Variants in RABGAP1 observed in about 807,000 individuals in gnomAD.
RABGAP1 encodes the protein RAB GTPase activating protein 1.
A neutral mutation model predicts 137.6 loss-of-function variants in RABGAP1; 23 were observed. The observed-to-expected ratio is 0.17, with a 90% CI of 0.12 to 0.24. The LOEUF (loss-of-function observed/expected upper bound fraction) is 0.24, where lower values mean the gene tolerates loss of function less well. Among genes scored for constraint, RABGAP1 ranks in the 10% least tolerant of loss-of-function variants. RABGAP1 has a pLI of 1.00. For synonymous variants in RABGAP1, 451 were observed against 450.7 expected (o/e 1.00, Z -0.01); for missense variants, 906 against 1,275.8 (o/e 0.71, Z 4.42).
intron 6 of RABGAP1, among the ~76,000 whole-genome samples, chr9:122,994,795 G>A (rs895194212): frequency 6.6e-6 from 1 of 152,170 alleles, no homozygotes; most frequent in African/African-American, 2.4e-5. Context: ...AAAGTGGTGT[G>A]TGGGAGAACA....
intron 13 of RABGAP1, among the ~76,000 whole-genome samples, chr9:123,064,038 G>A (rs2034080239): frequency 6.6e-6 from 1 of 151,916 alleles, no homozygotes; most frequent in Non-Finnish European, 1.5e-5. Flanking sequence ...TCTCTCACTC[G>A]CTCTCACTCT....
intron 14 of RABGAP1, among the ~76,000 whole-genome samples, chr9:123,067,250 A>G (rs368500083): frequency 7.9e-5 from 12 of 152,306 alleles, no homozygotes; most frequent in East Asian, 5.8e-4. Context: ...GTCTAGGTTG[A>G]GTTAGATATG....
At chr9:123,079,982 A>G (rs1372821852) in intron 19 of RABGAP1, among the ~76,000 whole-genome samples, 3 of 152,242 alleles carry the variant, frequency 2.0e-5, no homozygotes, top group Non-Finnish European at 2.9e-5. Flanking sequence ...TGAATAAGTG[A>G]ATGAATAAAT....
chr9:122,958,420 A>C (rs546886825), intron 2 of RABGAP1, among the ~76,000 whole-genome samples: 1 of 152,324 alleles, frequency 6.6e-6, no homozygotes, highest in East Asian at 1.9e-4. Context: ...GAAGAATAAC[A>C]AAACAGGATA....
chr9:122,982,702 G>C (rs1717981519), intron 2 of RABGAP1, among the ~76,000 whole-genome samples: 1 of 152,026 alleles, frequency 6.6e-6, no homozygotes, highest in African/African-American at 2.4e-5. Context: ...AAGATAAGAG[G>C]CTAATTGAAT....
chr9:122,984,756 A>AT (rs754829063), intron 3 of RABGAP1, 37 bp downstream of exon 3: 14 of 1,569,304 alleles, frequency 8.9e-6, no homozygotes, highest in Non-Finnish European at 1.1e-5. Context: ...ACTGAAGGTT[A>AT]TTGTTTTTAA....
intron 10 of RABGAP1, among the ~76,000 whole-genome samples, chr9:123,000,673 C>A (rs749725612): frequency 8.6e-5 from 13 of 152,012 alleles, no homozygotes; most frequent in Non-Finnish European, 1.3e-4. Context: ...ATAGCAATAG[C>A]CTTTTTTTTT....
At chr9:123,036,119 TAC>T (rs2032645162) in intron 13 of RABGAP1, among the ~76,000 whole-genome samples, 1 of 152,252 alleles carries the variant, frequency 6.6e-6, no homozygotes, top group Non-Finnish European at 1.5e-5. Flanking sequence ...AAAGCATAAC[TAC>T]ACTGCAAGTT....
chr9:122,939,282 G>C (rs1833448113), upstream of RABGAP1: 1 of 151,876 alleles, frequency 6.6e-6, no homozygotes, highest in Non-Finnish European at 1.5e-5. Context: ...CACACACACA[G>C]AAGGATATAC....
At chr9:123,009,760 G>A (rs542848100) in intron 10 of RABGAP1, among the ~76,000 whole-genome samples, 2 of 152,140 alleles carry the variant, frequency 1.3e-5, no homozygotes, top group South Asian at 4.2e-4. Flanking sequence ...TGTGGTTACT[G>A]TTGATGTGTT....
chr9:123,103,299 C>T lies in RABGAP1; in HGVS notation c.*86C>T. ...CCAGATGTGTGATTCTGTGACTTGT[C>T]CCAGGACCAGAATGTACCTAAGTCA... is the stretch of plus-strand genomic sequence containing the variant. On this transcript the variant is annotated 3_prime_UTR_variant, in exon 26 of 26. Coordinates refer to ENST00000373647, the MANE Select transcript of RABGAP1 (RefSeq NM_012197.4). The T allele has an allele frequency of 6.4e-7, 1 of 1,565,152 alleles. No individual in the cohort carries two copies. The highest frequency in any genetic ancestry group is 8.7e-7 in the Non-Finnish European group (1 of 1,153,590).
chr9:123,070,085 T>TA lies in RABGAP1; in HGVS notation c.1909-264dup, dbSNP rs746896062. On this transcript the variant is annotated intron_variant, in intron 14 of 25. Coordinates refer to ENST00000373647, the MANE Select transcript of RABGAP1 (RefSeq NM_012197.4). The surrounding 1 kb of genome is among the most constrained non-coding windows in gnomAD (Gnocchi z 4.4). ...AACATCATGAACAACAACAAGGAAA[T>TA]ACGAAGTTTTTTTTAGCGCAGAAGT... is the stretch of plus-strand genomic sequence containing the variant. 4.6e-5 allele frequency among the ~76,000 whole-genome samples: 7 copies of TA among 152,044 alleles called. No homozygotes were observed. Among genetic ancestry groups the TA allele is most frequent in the Non-Finnish European group, 8.8e-5 (6 of 67,984 alleles).
At chr9:122,946,130 C>T (rs981005581) in intron 1 of RABGAP1, 12 of 151,956 alleles carry the variant, frequency 7.9e-5, no homozygotes, top group African/African-American at 2.7e-4. Context: ...AAGGATAATA[C>T]GAGATAGCAT....
intron 1 of RABGAP1, among the ~76,000 whole-genome samples, chr9:122,948,799 A>C (rs751692232): frequency 3.3e-5 from 5 of 152,204 alleles, no homozygotes; most frequent in Non-Finnish European, 7.3e-5. Flanking sequence ...CCATGTCCAC[A>C]TCCCCAGTAC....
At chr9:122,989,610 T>C in intron 5 of RABGAP1, 139 bp downstream of exon 5, 1 of 872,294 alleles carries the variant, frequency 1.1e-6, no homozygotes, top group African/African-American at 1.7e-5. Context: ...TCTAGCCTCA[T>C]GGGCCAAAAT....
At chr9:123,037,149 A>G (rs2032708370) in intron 13 of RABGAP1, among the ~76,000 whole-genome samples, 2 of 152,184 alleles carry the variant, frequency 1.3e-5, no homozygotes, top group African/African-American at 4.8e-5. Flanking sequence ...AACCCAGGGG[A>G]CATGGGTTAA....
chr9:122,988,097 T>C (rs944305219), intron 4 of RABGAP1, among the ~76,000 whole-genome samples: 2 of 152,250 alleles, frequency 1.3e-5, no homozygotes, highest in African/African-American at 4.8e-5. Flanking sequence ...TAAAATGTGT[T>C]TAGCACTCAT....
intron 19 of RABGAP1, among the ~76,000 whole-genome samples, chr9:123,078,982 A>G (rs2034611020): frequency 6.6e-6 from 1 of 151,990 alleles, no homozygotes; most frequent in Non-Finnish European, 1.5e-5. Flanking sequence ...TTCTTTCCAA[A>G]TGTTTTTTAT....
At chr9:123,044,065 T>A (rs907907440) in intron 13 of RABGAP1, among the ~76,000 whole-genome samples, 4 of 151,952 alleles carry the variant, frequency 2.6e-5, no homozygotes, top group African/African-American at 9.6e-5. Flanking sequence ...CATGCATGGC[T>A]AGTTTTTTTT....
Sources: gnomAD v4.1 joint callset for allele counts (sites outside exome capture counted in the v4.1 genomes callset) on GRCh38, gnomAD v4.1.1 for gene constraint, Gnocchi (gnomAD v3.1) non-coding constraint, MANE v1.5 for transcripts, NCBI Gene and HGNC (gene_info 2026-07-23, HGNC 2026-07-21) for gene names.